The following KIAA0825 variants were observed in gnomAD, a reference collection of about 807,000 sequenced individuals.
KIAA0825 encodes the protein KIAA0825.
In KIAA0825, 119 loss-of-function variants were observed where a neutral mutation model predicts 147.6. The observed-to-expected ratio is 0.81, with a 90% CI of 0.69 to 0.94. KIAA0825 has a LOEUF of 0.94. Among genes scored for constraint, KIAA0825 ranks in the 40% least tolerant of loss-of-function variants. KIAA0825 has a pLI of 0.00. For synonymous variants in KIAA0825, 470 were observed against 518.1 expected (o/e 0.91, Z 1.26); for missense variants, 1,381 against 1,472.7 (o/e 0.94, Z 1.02).
intron 5 of KIAA0825, among the ~76,000 whole-genome samples, chr5:94,507,090 T>C (rs971767098): frequency 3.3e-5 from 5 of 152,204 alleles, no homozygotes; most frequent in African/African-American, 1.2e-4. Flanking sequence ...CTAGTCTCAA[T>C]AGGAGTAAGA....
chr5:94,479,164 A>G (rs1262348091), intron 6 of KIAA0825, among the ~76,000 whole-genome samples: 2 of 152,128 alleles, frequency 1.3e-5, no homozygotes, highest in Non-Finnish European at 2.9e-5. Flanking sequence ...GGGTTTTGCC[A>G]AATGTATAAT....
chr5:94,309,160 G>A (rs1041095033), intron 20 of KIAA0825, among the ~76,000 whole-genome samples: 2 of 151,532 alleles, frequency 1.3e-5, no homozygotes, highest in African/African-American at 4.8e-5. Flanking sequence ...ATGGTGCTAA[G>A]TATGTTTGTT....
intron 11 of KIAA0825, among the ~76,000 whole-genome samples, chr5:94,462,890 T>G (rs17379159): frequency 6.6e-6 from 1 of 151,718 alleles, no homozygotes; most frequent in Non-Finnish European, 1.5e-5. Context: ...GAAATTATAC[T>G]GAGCAAAACA....
At chr5:94,592,169 A>G (rs1304087929) in intron 1 of KIAA0825, among the ~76,000 whole-genome samples, 1 of 152,206 alleles carries the variant, frequency 6.6e-6, no homozygotes. Context: ...TCAAAAATAC[A>G]CAGTCCAAAG....
intron 13 of KIAA0825, among the ~76,000 whole-genome samples, chr5:94,447,964 C>T (rs1030548848): frequency 6.6e-6 from 1 of 151,966 alleles, no homozygotes; most frequent in Admixed American, 6.6e-5. Flanking sequence ...CAGTTATGAC[C>T]TACTTAGCTA....
chr5:94,395,057 A>G (rs1750456000), intron 17 of KIAA0825, among the ~76,000 whole-genome samples: 1 of 152,230 alleles, frequency 6.6e-6, no homozygotes, highest in Non-Finnish European at 1.5e-5. Flanking sequence ...AATAATGCCT[A>G]TCAGTTCCAA....
At chr5:94,358,245 C>G (rs1016023495) in intron 20 of KIAA0825, among the ~76,000 whole-genome samples, 5 of 152,192 alleles carry the variant, frequency 3.3e-5, no homozygotes, top group Admixed American at 2.0e-4. Flanking sequence ...ACTGAAAAGT[C>G]TTTTAAAACA....
intron 20 of KIAA0825, among the ~76,000 whole-genome samples, chr5:94,357,365 A>G (rs29959): frequency 0.21 from 32,033 of 152,230 alleles, 3,885 homozygotes; most frequent in Middle Eastern, 0.27. Flanking sequence ...AGCATAAGAA[A>G]AAAATCAAAT....
chr5:94,402,317 T>A (rs1751491794), intron 16 of KIAA0825, among the ~76,000 whole-genome samples: 1 of 152,150 alleles, frequency 6.6e-6, no homozygotes, highest in African/African-American at 2.4e-5. Flanking sequence ...GTGCTACTCA[T>A]ATGGCATGAT....
At chr5:94,534,014 T>C (rs1395515773) in intron 3 of KIAA0825, among the ~76,000 whole-genome samples, 1 of 152,176 alleles carries the variant, frequency 6.6e-6, no homozygotes, top group Non-Finnish European at 1.5e-5. Context: ...AATTCATAAA[T>C]AGATGTCAGG....
chr5:94,215,932 T>C (rs1045628021), intron 20 of KIAA0825, among the ~76,000 whole-genome samples: 14 of 152,134 alleles, frequency 9.2e-5, no homozygotes, highest in African/African-American at 3.4e-4. Context: ...TTTGTTATTC[T>C]AGACAATTTC....
At chr5:94,380,681 G>A (rs763562827) in intron 20 of KIAA0825, among the ~76,000 whole-genome samples, 7 of 152,246 alleles carry the variant, frequency 4.6e-5, no homozygotes, top group South Asian at 2.1e-4. Flanking sequence ...GGTAACATTT[G>A]TCTCAGATGG....
At chr5:94,381,262 A>C (rs189188517) in intron 20 of KIAA0825, among the ~76,000 whole-genome samples, 3 of 152,312 alleles carry the variant, frequency 2.0e-5, no homozygotes, top group Admixed American at 2.0e-4. Flanking sequence ...TTACCTGACT[A>C]GACACCAAAA....
chr5:94,412,427 A>G (rs1752885178), intron 15 of KIAA0825, among the ~76,000 whole-genome samples: 1 of 152,090 alleles, frequency 6.6e-6, no homozygotes, highest in African/African-American at 2.4e-5. Flanking sequence ...TTTGAGGCAG[A>G]GTGTCACTCC....
chr5:94,206,458 C>T (rs2150034787), intron 20 of KIAA0825, among the ~76,000 whole-genome samples: 1 of 152,138 alleles, frequency 6.6e-6, no homozygotes, highest in Middle Eastern at 3.4e-3. Flanking sequence ...CTTTTTCCTT[C>T]AGGTTTTATG....
intron 11 of KIAA0825, among the ~76,000 whole-genome samples, chr5:94,463,122 T>C (rs939246220): frequency 2.0e-5 from 3 of 151,782 alleles, no homozygotes; most frequent in Non-Finnish European, 4.4e-5. Context: ...AATAAATTTG[T>C]GGAAAATATG....
intron 20 of KIAA0825, among the ~76,000 whole-genome samples, chr5:94,248,935 A>T (rs1260689341): frequency 6.6e-6 from 1 of 152,148 alleles, no homozygotes; most frequent in Admixed American, 6.6e-5. Flanking sequence ...CATATAGGCA[A>T]TTTTACATGA....
At chr5:94,277,129 C>T (rs967504700) in intron 20 of KIAA0825, among the ~76,000 whole-genome samples, 4 of 152,110 alleles carry the variant, frequency 2.6e-5, no homozygotes, top group African/African-American at 7.2e-5. Flanking sequence ...TTTTCAGTCT[C>T]ATTTGATACT....
chr5:94,552,407 A>G (rs1775718676), intron 2 of KIAA0825, among the ~76,000 whole-genome samples: 1 of 152,196 alleles, frequency 6.6e-6, no homozygotes, highest in South Asian at 2.1e-4. Context: ...CAGACAAAAT[A>G]GACCTAATAG....
Sources: gnomAD v4.1 joint callset for allele counts (sites outside exome capture counted in the v4.1 genomes callset) on GRCh38, gnomAD v4.1.1 for gene constraint, MANE v1.5 for transcripts, NCBI Gene and HGNC (gene_info 2026-07-23, HGNC 2026-07-21) for gene names.